Variants in EXOC6 observed in about 807,000 individuals in gnomAD.
EXOC6 encodes the protein SEC15-like 1.
EXOC6 carries 60 observed loss-of-function variants against 112.5 expected under a neutral mutation model. That is an observed-to-expected ratio of 0.53 (90% CI 0.43 to 0.66). The LOEUF (loss-of-function observed/expected upper bound fraction) is 0.66, where lower values mean the gene tolerates loss of function less well. Ranked by LOEUF, EXOC6 falls within the 30% of genes least tolerant of loss-of-function variation. EXOC6 has a pLI of 0.00. For synonymous variants in EXOC6, 295 were observed against 308.0 expected (o/e 0.96, Z 0.44); for missense variants, 855 against 957.1 (o/e 0.89, Z 1.41).
intron 19 of EXOC6, among the ~76,000 whole-genome samples, chr10:93,013,031 A>G (rs1423301137): frequency 6.6e-6 from 1 of 151,924 alleles, no homozygotes; most frequent in Non-Finnish European, 1.5e-5. Flanking sequence ...AGAAAAAGAA[A>G]AAAAAGAAGA....
intron 20 of EXOC6, among the ~76,000 whole-genome samples, chr10:93,038,247 A>G (rs1845607356): frequency 1.3e-5 from 2 of 152,076 alleles, no homozygotes; most frequent in Non-Finnish European, 2.9e-5. Flanking sequence ...ATTTTCAGTT[A>G]TGATCTTTTT....
intron 14 of EXOC6, among the ~76,000 whole-genome samples, chr10:92,951,989 C>G (rs1853445147): frequency 6.6e-6 from 1 of 152,134 alleles, no homozygotes; most frequent in Non-Finnish European, 1.5e-5. Context: ...AGACAGAATA[C>G]TCATCACCAG....
In EXOC6 at chr10:92,974,151, G is replaced by A. The variant is rs1589948822; in HGVS notation, c.1872G>A (p.Glu624=). The change falls in exon 18 of 22, where the codon GAG becomes GAA. Residue 624 remains glutamate (E), a synonymous_variant. Transcript: ENST00000260762. ...QLADYDWTMS[E]PDGRASGYLM... ...CTGATTATGACTGGACAATGTCTGA[G>A]CCAGATGGAAGAGCTAGTGGTTATT... 2 of 1,603,044 alleles carry A rather than the reference G, an allele frequency of 1.2e-6. No individual in the cohort carries two copies. Among genetic ancestry groups the A allele is most frequent in the Non-Finnish European group, 1.7e-6 (2 of 1,177,616 alleles).
intron 20 of EXOC6, among the ~76,000 whole-genome samples, chr10:93,022,890 T>C (rs1320033295): frequency 6.6e-6 from 1 of 152,094 alleles, no homozygotes; most frequent in Non-Finnish European, 1.5e-5. Context: ...TTTCATAGCA[T>C]ATTGCTTTAA....
chr10:92,914,828 T>C (rs563878574), intron 6 of EXOC6, among the ~76,000 whole-genome samples: 3 of 152,254 alleles, frequency 2.0e-5, no homozygotes, highest in African/African-American at 7.2e-5. Flanking sequence ...CAGAACAAAA[T>C]AGCAACAATC....
At position 92,918,840 on chromosome 10, in the gene EXOC6, G is replaced by A. The variant is rs1374690559; in HGVS notation, c.820-1142G>A. On this transcript the variant is annotated intron_variant, in intron 7 of 21. Coordinates refer to ENST00000260762, the MANE Select transcript of EXOC6 (RefSeq NM_019053.6). ...TGTGTGAATATGTATGCACATATGT[G>A]TATGTGTGTATATATGTGTATATAT... Among the ~76,000 whole-genome samples, 7 of 152,132 alleles carry A rather than the reference G, an allele frequency of 4.6e-5. No individual in the cohort carries two copies. In the East Asian group the frequency reaches 5.8e-4, roughly 13 times the overall value.
At chr10:92,858,927 G>C (rs531846999) in intron 1 of EXOC6, among the ~76,000 whole-genome samples, 10 of 152,186 alleles carry the variant, frequency 6.6e-5, no homozygotes, top group Non-Finnish European at 1.5e-4. Context: ...GCCACACCCG[G>C]CTAATTTTTG....
At chr10:92,906,149 T>C (rs890562803) in intron 5 of EXOC6, among the ~76,000 whole-genome samples, 2 of 152,176 alleles carry the variant, frequency 1.3e-5, no homozygotes, top group African/African-American at 4.8e-5. Flanking sequence ...GAAATTAATA[T>C]AGCTGATCTA....
At position 92,954,758 on chromosome 10, in the gene EXOC6, C is replaced by T. The variant is rs758015613; in HGVS notation, c.1638+17C>T. On this transcript the variant is annotated intron_variant, in intron 16 of 21. Coordinates refer to ENST00000260762, the MANE Select transcript of EXOC6 (RefSeq NM_019053.6). ...TTGACAGAGGTAGGTTAAAAAGACA[C>T]ATATAGTGAAATGTTTCATTGTATG... 1 of 1,080,712 alleles carries T rather than the reference C, an allele frequency of 9.3e-7. No homozygotes were observed. The highest frequency in any genetic ancestry group is 1.4e-6 in the Non-Finnish European group (1 of 712,574). 66.9% of individuals were successfully genotyped at this position (1,080,712 alleles called of 1,614,324 possible).
chr10:93,021,563 C>G (rs1844795241), intron 20 of EXOC6, among the ~76,000 whole-genome samples: 1 of 152,202 alleles, frequency 6.6e-6, no homozygotes, highest in South Asian at 2.1e-4. Context: ...GACAGTAGAT[C>G]CATTTCCTTT....
intron 1 of EXOC6, among the ~76,000 whole-genome samples, chr10:92,864,431 T>A (rs537309778): frequency 1.7e-4 from 26 of 152,206 alleles, no homozygotes; most frequent in Non-Finnish European, 2.6e-4. Context: ...TTGTTTGGGG[T>A]CTGTGAGGTC....
chr10:92,953,075 G>T (rs1853509042), intron 15 of EXOC6, among the ~76,000 whole-genome samples: 1 of 151,910 alleles, frequency 6.6e-6, no homozygotes, highest in Non-Finnish European at 1.5e-5. Context: ...TTTTGTTTTT[G>T]CTTTTGTTTT....
At chr10:92,909,996 T>A (rs1339724973) in intron 6 of EXOC6, among the ~76,000 whole-genome samples, 2 of 152,246 alleles carry the variant, frequency 1.3e-5, no homozygotes, top group Non-Finnish European at 2.9e-5. Context: ...TAAACTGTTC[T>A]CTATTTAAAA....
intron 20 of EXOC6, among the ~76,000 whole-genome samples, chr10:93,023,869 T>C (rs1844897491): frequency 6.6e-6 from 1 of 152,014 alleles, no homozygotes; most frequent in African/African-American, 2.4e-5. Flanking sequence ...TAACTCATTC[T>C]TAATACATAG....
intron 20 of EXOC6, among the ~76,000 whole-genome samples, chr10:93,016,026 T>C (rs750042391): frequency 7.9e-5 from 12 of 152,238 alleles, no homozygotes; most frequent in Non-Finnish European, 1.6e-4. Context: ...TTTAAAAAAC[T>C]GTCTTCTCTT....
intron 20 of EXOC6, among the ~76,000 whole-genome samples, chr10:93,033,847 C>A (rs552889696): frequency 2.0e-5 from 3 of 152,154 alleles, no homozygotes; most frequent in African/African-American, 7.2e-5. Flanking sequence ...AGTTAGTTGG[C>A]AGTAATGAGA....
upstream of EXOC6, among the ~76,000 whole-genome samples, chr10:92,844,837 CAAGTT>C (rs1400052593): frequency 6.6e-6 from 1 of 152,092 alleles, no homozygotes; most frequent in Non-Finnish European, 1.5e-5. Context: ...GAGCCTTAGT[CAAGTT>C]AAGTAACTCC....
In EXOC6 at chr10:92,850,273, A is replaced by G. The variant is rs965131621; in HGVS notation, c.101+1639A>G. The stretch of plus-strand genomic sequence containing the variant: ...ATATTGAGAGATTTTTGGGACACTC[A>G]GGAACAGAATATGTGTATTCATAGT... On this transcript the variant is annotated intron_variant, in intron 1 of 21. Transcript: ENST00000260762. 4.6e-5 allele frequency among the ~76,000 whole-genome samples: 7 copies of G among 152,238 alleles called. No homozygotes were observed. In the East Asian group the frequency reaches 7.7e-4, roughly 17 times the overall value.
chr10:93,024,979 A>G (rs1217240030), intron 20 of EXOC6, among the ~76,000 whole-genome samples: 1 of 152,154 alleles, frequency 6.6e-6, no homozygotes, highest in African/African-American at 2.4e-5. Flanking sequence ...TAAGACATAG[A>G]AAAAATACAA....
Sources: allele counts gnomAD v4.1 joint callset (sites outside exome capture counted in the v4.1 genomes callset), GRCh38; gene constraint gnomAD v4.1.1; transcripts MANE v1.5; gene names NCBI Gene and HGNC (gene_info 2026-07-23, HGNC 2026-07-21).